POLR2F: variants seen among roughly 807,000 people sequenced by gnomAD.
The protein encoded by POLR2F is DNA-directed RNA polymerases I, II, and III subunit RPABC2.
In POLR2F, 12 loss-of-function variants were observed where a neutral mutation model predicts 22.7. That is an observed-to-expected ratio of 0.53 (90% CI 0.34 to 0.86). POLR2F has a LOEUF of 0.86. POLR2F is among the 40% of genes least tolerant of loss of function. The probability of loss-of-function intolerance (pLI) is 0.02; values close to 1 mark genes in which losing one functional copy is unlikely to be tolerated. For synonymous variants in POLR2F, 57 were observed against 66.0 expected (o/e 0.86, Z 0.66); for missense variants, 126 against 171.5 (o/e 0.73, Z 1.48).
chr22:37,981,948 C>A (rs945968687), upstream of POLR2F, among the ~76,000 whole-genome samples: 2 of 152,142 alleles, frequency 1.3e-5, no homozygotes, highest in Admixed American at 6.5e-5. Flanking sequence ...GGCCAGGGGG[C>A]GGGATGTGAA....
At chr22:37,972,066 G>A (rs1309821697), downstream of POLR2F, among the ~76,000 whole-genome samples, 1 of 139,276 alleles carries the variant, frequency 7.2e-6, no homozygotes, top group East Asian at 2.3e-4. Context: ...GGAGGGGGGA[G>A]AGAGAGAGAA....
chr22:37,968,755 GAGGAGGAGCTGGGCTTCCCTAACCTCTGC>G lies in POLR2F; in HGVS notation c.*1047_*1075del. The G allele has an allele frequency of 1.0e-6, 1 of 985,490 alleles. No individual in the cohort carries two copies. The highest frequency in any genetic ancestry group is 4.7e-5 in the South Asian group (1 of 21,292). The allele number at this position is 985,490 out of a possible 1,614,324, so 61.0% of individuals were successfully genotyped here. Reference sequence around the variant, plus strand: ...ATTCCACTGCCAGCTCCCCTTCAAAGAGGAGGAGCTGGGCTTCCCTAACCTCTGCAGGAGGCAGGGCCTCCAGGCCTAGG... The same window carrying G: ...ATTCCACTGCCAGCTCCCCTTCAAAGAGGAGGCAGGGCCTCCAGGCCTAGG... On this transcript the variant is annotated 3_prime_UTR_variant, in exon 5 of 5. Transcript: ENST00000442738.
chr22:37,972,540 G>A (rs917402932), downstream of POLR2F: 1 of 267,530 alleles, frequency 3.7e-6, no homozygotes, highest in East Asian at 1.1e-4. Flanking sequence ...GTACAGGTCA[G>A]GATTCTAGTG....
rs947043523 is a variant in POLR2F, at chr22:38,016,744, C to T, written c.121-9125C>T. ...TGGCACGCACCGCGGGGGGAGGGGGCGGGAGGGGGCCGCCGTCAATGCCCG... is the reference window on the plus strand; with the variant it reads ...TGGCACGCACCGCGGGGGGAGGGGGTGGGAGGGGGCCGCCGTCAATGCCCG... On this transcript the variant is annotated intron_variant, in intron 1 of 2. Transcript: ENST00000333418. The surrounding 1 kb of genome is among the most constrained non-coding windows in gnomAD (Gnocchi z 4.4). Among the ~76,000 whole-genome samples, 2 of 35,264 alleles carry T rather than the reference C, an allele frequency of 5.7e-5. No individual in the cohort carries two copies. Among genetic ancestry groups the T allele is most frequent in the East Asian group, 6.0e-4 (1 of 1,656 alleles). 23.1% of individuals were successfully genotyped at this position (35,264 alleles called of 152,430 possible). A position where few individuals can be genotyped will look rare whatever the true frequency, so the allele number is the denominator to read the frequency against.
chr22:38,000,768 G>A (rs1236164442), intron 1 of POLR2F, among the ~76,000 whole-genome samples: 1 of 152,194 alleles, frequency 6.6e-6, no homozygotes, highest in Non-Finnish European at 1.5e-5. Flanking sequence ...CTTCCTTTGG[G>A]AACATATGGA....
At chr22:38,014,813 T>G (rs1408187490) in intron 1 of POLR2F, among the ~76,000 whole-genome samples, 2 of 145,372 alleles carry the variant, frequency 1.4e-5, no homozygotes, top group Non-Finnish European at 3.0e-5. Flanking sequence ...TGTATTTTTT[T>G]TTTTTTTTTT....
chr22:38,022,326 C>T (rs987256547), intron 1 of POLR2F, among the ~76,000 whole-genome samples: 3 of 151,182 alleles, frequency 2.0e-5, no homozygotes, highest in Non-Finnish European at 3.0e-5. Context: ...CCGAGGCGGG[C>T]GGATCACCTG....
chr22:38,003,450 C>T (rs750449016), intron 1 of POLR2F, among the ~76,000 whole-genome samples: 8 of 152,220 alleles, frequency 5.3e-5, no homozygotes, highest in South Asian at 2.1e-4. Context: ...TGGTCTTGAA[C>T]GCCTGACCTC....
At position 37,968,128 on chromosome 22, in the gene POLR2F, C is replaced by T. The variant is rs1931930574; in HGVS notation, c.*413C>T. 1 of 990,498 alleles carries T rather than the reference C, an allele frequency of 1.0e-6. No individual in the cohort carries two copies. Among genetic ancestry groups the T allele is most frequent in the Non-Finnish European group, 1.2e-6 (1 of 833,170 alleles). 61.4% of individuals were successfully genotyped at this position (990,498 alleles called of 1,614,324 possible). On this transcript the variant is annotated 3_prime_UTR_variant, in exon 5 of 5. Coordinates refer to ENST00000442738, the MANE Select transcript of POLR2F (RefSeq NM_021974.5). ...GGGGCTTCTCCCTTCTCAGGAGTAT[C>T]ACAGAGCAGGTCTCATCAAGCCACC...
chr22:38,034,061 G>A (rs2085091860), intron 5 of POLR2F: 1 of 167,552 alleles, frequency 6.0e-6, no homozygotes, highest in South Asian at 2.1e-4. Context: ...CCAAAACCTA[G>A]GGCTTGGCAT....
chr22:37,974,229 G>C (rs373006786), downstream of POLR2F: 23 of 1,541,354 alleles, frequency 1.5e-5, no homozygotes, highest in Non-Finnish European at 1.9e-5. The surrounding 1 kb of genome is among the most constrained non-coding windows in gnomAD (Gnocchi z 5.4). Context: ...GAGAGAGAGC[G>C]CAAGGGGGAA....
chr22:38,010,101 G>T (rs865844107), intron 1 of POLR2F, among the ~76,000 whole-genome samples: 2 of 152,234 alleles, frequency 1.3e-5, no homozygotes, highest in South Asian at 4.1e-4. Flanking sequence ...AAGTCTGGGC[G>T]TGGTGGCTTA....
chr22:37,969,175 G>C lies in POLR2F; in HGVS notation c.*1460G>C, dbSNP rs991110690. Reference sequence around the variant, plus strand: ...TGGGGGTTAACCCTTAGGGGATAGAGTGCAAGGGAAATGGGACAGAAGGGG... The same window carrying C: ...TGGGGGTTAACCCTTAGGGGATAGACTGCAAGGGAAATGGGACAGAAGGGG... On this transcript the variant is annotated 3_prime_UTR_variant, in exon 5 of 5. Transcript: ENST00000442738. 1.7e-4 allele frequency: 165 copies of C among 985,282 alleles called. No homozygotes were observed. The highest frequency in any genetic ancestry group is 1.9e-4 in the Non-Finnish European group (158 of 829,922). 61.0% of individuals were successfully genotyped at this position (985,282 alleles called of 1,614,324 possible).
chr22:38,007,858 C>T (rs1015712900), intron 1 of POLR2F, among the ~76,000 whole-genome samples: 1 of 152,228 alleles, frequency 6.6e-6, no homozygotes, highest in Non-Finnish European at 1.5e-5. Flanking sequence ...GAGGCCTGCG[C>T]GAGTGAGTAT....
At chr22:38,003,974 ACC>A (rs1386365266) in intron 1 of POLR2F, among the ~76,000 whole-genome samples, 1 of 151,780 alleles carries the variant, frequency 6.6e-6, no homozygotes, top group Non-Finnish European at 1.5e-5. Context: ...GAGGCCGGAG[ACC>A]CACTAGGAGA....
At chr22:38,002,618 T>C (rs1172032794) in intron 1 of POLR2F, among the ~76,000 whole-genome samples, 2 of 152,068 alleles carry the variant, frequency 1.3e-5, no homozygotes, top group Non-Finnish European at 2.9e-5. Context: ...CAAAGTCAGC[T>C]GTGTCTGGGG....
At chr22:38,000,487 C>T (rs1407499784) in intron 1 of POLR2F, among the ~76,000 whole-genome samples, 1 of 152,158 alleles carries the variant, frequency 6.6e-6, no homozygotes, top group African/African-American at 2.4e-5. Flanking sequence ...AAGGTGGAGC[C>T]TTTTGCAAAC....
chr22:37,986,973 C>G lies in POLR2F; in HGVS notation c.120+661C>G, dbSNP rs558764931. 1 of 453,240 alleles carries G rather than the reference C, an allele frequency of 2.2e-6. No homozygotes were observed. The highest frequency in any genetic ancestry group is 7.0e-5 in the East Asian group (1 of 14,304). The allele number at this position is 453,240 out of a possible 1,614,324, so 28.1% of individuals were successfully genotyped here. ...AACAGGAGGGCCAGTGTCACCTTCT[C>G]CTCCTTTCCCTGCTGGGGGTGGCAG... On this transcript the variant is annotated intron_variant, in intron 1 of 2. Transcript: ENST00000333418. The surrounding 1 kb of genome is among the most constrained non-coding windows in gnomAD (Gnocchi z 4.7).
intron 5 of POLR2F, among the ~76,000 whole-genome samples, chr22:38,035,459 C>T (rs2085106395): frequency 6.6e-6 from 1 of 152,218 alleles, no homozygotes; most frequent in Admixed American, 6.5e-5. Flanking sequence ...GGGTCGCTCT[C>T]TTCCCTTCCC....
Sources: gnomAD v4.1 joint callset for allele counts (sites outside exome capture counted in the v4.1 genomes callset) on GRCh38, gnomAD v4.1.1 for gene constraint, Gnocchi (gnomAD v3.1) non-coding constraint, MANE v1.5 for transcripts, NCBI Gene and HGNC (gene_info 2026-07-23, HGNC 2026-07-21) for gene names.